Variants in COL26A1 observed in about 807,000 individuals in gnomAD.
The protein encoded by COL26A1 is collagen alpha-1(XXVI) chain.
A neutral mutation model predicts 59.3 loss-of-function variants in COL26A1; 41 were observed. That is an observed-to-expected ratio of 0.69 (90% CI 0.54 to 0.90). The LOEUF is 0.90. COL26A1 is among the 40% of genes least tolerant of loss of function. COL26A1 has a pLI of 0.00. For missense variants in COL26A1, 612 were observed against 602.3 expected, an observed-to-expected ratio of 1.02 and a Z score of -0.17; for synonymous variants, 266 against 256.0, an observed-to-expected ratio of 1.04 and a Z score of -0.37.
chr7:101,389,959 C>A (rs1284297081), intron 1 of COL26A1, among the ~76,000 whole-genome samples: 1 of 151,932 alleles, frequency 6.6e-6, no homozygotes, highest in South Asian at 2.1e-4. Flanking sequence ...TGTGAGTTGC[C>A]TTTTCACTCT....
At chr7:101,414,313 G>C (rs921147572) in intron 1 of COL26A1, among the ~76,000 whole-genome samples, 4 of 151,840 alleles carry the variant, frequency 2.6e-5, no homozygotes, top group African/African-American at 9.7e-5. Context: ...GCTGGACGAC[G>C]GCCTGTCTGT....
intron 3 of COL26A1, among the ~76,000 whole-genome samples, chr7:101,532,136 C>T (rs540105924): frequency 1.3e-5 from 2 of 152,182 alleles, no homozygotes; most frequent in East Asian, 3.9e-4. Context: ...CTCCAGGTCT[C>T]GGGCCTCGGG....
chr7:101,406,092 G>A (rs1390657780), intron 1 of COL26A1, among the ~76,000 whole-genome samples: 1 of 152,198 alleles, frequency 6.6e-6, no homozygotes. Context: ...TCAGACCTCC[G>A]TGCTGCGCCC....
rs117781155 is a variant in COL26A1 at position 101,526,955 on chromosome 7, C to T, written c.386-6127C>T. Among the ~76,000 whole-genome samples the T allele has an allele frequency of 8.3e-3, 1,265 of 152,278 alleles. 9 individuals are homozygous for T. The highest frequency in any genetic ancestry group is 0.017 in the Middle Eastern group (5 of 294). On this transcript the variant is annotated intron_variant, in intron 3 of 12. Coordinates refer to ENST00000313669, the MANE Select transcript of COL26A1 (RefSeq NM_001278563.3). ...TTCTCTTTACAATGAACACACCGCA[C>T]AATCAACTCTCTCTCTCTTTTGAGA...
intron 3 of COL26A1, among the ~76,000 whole-genome samples, chr7:101,501,101 G>A (rs1482928929): frequency 2.7e-5 from 4 of 148,160 alleles, no homozygotes; most frequent in African/African-American, 7.5e-5. Flanking sequence ...CAGGAGAATC[G>A]CTTGTACTGG....
intron 4 of COL26A1, 60 bp downstream of exon 4, chr7:101,533,203 G>A: frequency 1.6e-6 from 2 of 1,270,118 alleles, no homozygotes; most frequent in Non-Finnish European, 2.2e-6. Flanking sequence ...GGTGGTGGAG[G>A]GAGGCATCAG....
rs1049366500 is a variant in COL26A1, at chr7:101,547,335, G to A, written c.940+96G>A. 90 of 764,924 alleles carry A rather than the reference G, an allele frequency of 1.2e-4. 1 individual carries two copies. Among genetic ancestry groups the A allele is most frequent in the African/African-American group, 1.1e-4 (6 of 56,490 alleles). 47.4% of individuals were successfully genotyped at this position (764,924 alleles called of 1,614,324 possible). The stretch of plus-strand genomic sequence containing the variant: ...TGAGGGGAGCTGGAGGTCGGCTGGC[G>A]GTCCATGGCTTCTGGGCAATGCTGG... On this transcript the variant is annotated intron_variant, in intron 8 of 12. Coordinates refer to ENST00000313669, the MANE Select transcript of COL26A1 (RefSeq NM_001278563.3).
intron 1 of COL26A1, among the ~76,000 whole-genome samples, chr7:101,386,812 T>C (rs1249897935): frequency 6.6e-6 from 1 of 152,172 alleles, no homozygotes; most frequent in Non-Finnish European, 1.5e-5. Context: ...GGGTCCAGGC[T>C]GTTGCCTGAG....
At chr7:101,552,019 G>A (rs114798382) in intron 10 of COL26A1, among the ~76,000 whole-genome samples, 5,602 of 152,248 alleles carry the variant, frequency 0.037, 109 homozygotes, top group Middle Eastern at 0.12. Context: ...CTTGCCCAAA[G>A]CCACACAGCG....
intron 1 of COL26A1, among the ~76,000 whole-genome samples, chr7:101,389,844 C>T (rs1464912995): frequency 2.6e-5 from 4 of 151,974 alleles, no homozygotes; most frequent in African/African-American, 9.7e-5. Flanking sequence ...TGAGCCACCG[C>T]GTCTGGCAAT....
At chr7:101,375,997 A>G (rs1201647472) in intron 1 of COL26A1, among the ~76,000 whole-genome samples, 1 of 144,468 alleles carries the variant, frequency 6.9e-6, no homozygotes, top group Admixed American at 6.9e-5. Flanking sequence ...AAGAAAAAAA[A>G]AAAAAAAAAG....
intron 1 of COL26A1, among the ~76,000 whole-genome samples, chr7:101,371,403 C>A (rs537457341): frequency 6.6e-6 from 1 of 152,072 alleles, no homozygotes; most frequent in South Asian, 2.1e-4. Context: ...AATCCCAGCA[C>A]TTTGGGAGAC....
At chr7:101,381,978 G>A (rs1299582752) in intron 1 of COL26A1, among the ~76,000 whole-genome samples, 1 of 152,162 alleles carries the variant, frequency 6.6e-6, no homozygotes, top group Non-Finnish European at 1.5e-5. Context: ...TCAAAAGGCT[G>A]TTAAGATTCA....
At chr7:101,391,226 C>T (rs1176148771) in intron 1 of COL26A1, among the ~76,000 whole-genome samples, 1 of 152,206 alleles carries the variant, frequency 6.6e-6, no homozygotes, top group African/African-American at 2.4e-5. Context: ...AGTTTATTCA[C>T]ACATGACTGT....
chr7:101,454,268 C>CTTTTTTTT (rs58969139), intron 3 of COL26A1, among the ~76,000 whole-genome samples: 35 of 137,348 alleles, frequency 2.5e-4, no homozygotes, highest in Non-Finnish European at 3.5e-4. Flanking sequence ...TCTTTTCTTT[C>CTTTTTTTT]TTTTTTTTTT....
intron 3 of COL26A1, among the ~76,000 whole-genome samples, chr7:101,457,920 G>A (rs1399850220): frequency 1.5e-5 from 2 of 131,944 alleles, no homozygotes; most frequent in Non-Finnish European, 3.2e-5. Context: ...TTTTTGAAAT[G>A]GAGTCTCACC....
At chr7:101,383,351 A>G (rs907752670) in intron 1 of COL26A1, among the ~76,000 whole-genome samples, 3 of 151,162 alleles carry the variant, frequency 2.0e-5, no homozygotes, top group African/African-American at 7.3e-5. Flanking sequence ...TTTTATTTTT[A>G]TTTTTATTTT....
At chr7:101,368,313 C>T (rs568241368) in intron 1 of COL26A1, among the ~76,000 whole-genome samples, 90 of 152,266 alleles carry the variant, frequency 5.9e-4, no homozygotes, top group African/African-American at 2.0e-3. Context: ...CATTAAGGAT[C>T]GCAAAGTGGA....
intron 5 of COL26A1, among the ~76,000 whole-genome samples, chr7:101,540,834 C>G (rs1015227002): frequency 6.6e-6 from 1 of 151,826 alleles, no homozygotes; most frequent in Admixed American, 6.6e-5. Context: ...GGGGTGAAAC[C>G]CTGTCTCAAA....
Sources: allele counts gnomAD v4.1 joint callset (sites outside exome capture counted in the v4.1 genomes callset), GRCh38; gene constraint gnomAD v4.1.1; transcripts MANE v1.5; gene names NCBI Gene and HGNC (gene_info 2026-07-23, HGNC 2026-07-21).